The following ZFY variants were observed in gnomAD, a reference collection of about 807,000 sequenced individuals.
ZFY encodes zinc finger Y-chromosomal protein.
For synonymous variants in ZFY, 47 were observed against 55.8 expected, an observed-to-expected ratio of 0.84 and a Z score of 0.71; for missense variants, 113 against 170.9, an observed-to-expected ratio of 0.66 and a Z score of 1.89.
intron 1 of ZFY, among the ~76,000 whole-genome samples, chrY:2,948,287 GA>G (rs2051267875): frequency 3.0e-5 from 1 of 33,652 alleles, no homozygotes; most frequent in South Asian, 6.5e-4. Flanking sequence ...TCCTTAATTG[GA>G]AAATAGGGTT....
chrY:2,977,180 C>CAAAAA, intron 6 of ZFY, among the ~76,000 whole-genome samples: 1 of 409 alleles, frequency 2.4e-3, no homozygotes, highest in Non-Finnish European at 4.6e-3. Flanking sequence ...GACTCCATCT[C>CAAAAA]AAAAAAAAAA....
intron 3 of ZFY, among the ~76,000 whole-genome samples, chrY:2,964,684 T>C: frequency 3.1e-5 from 1 of 32,308 alleles, no homozygotes; most frequent in Non-Finnish European, 7.5e-5. Context: ...TTACATCCAC[T>C]CCTCCCAAGC....
intron 3 of ZFY, among the ~76,000 whole-genome samples, chrY:2,965,775 G>C (rs2051325583): frequency 3.0e-5 from 1 of 33,773 alleles, no homozygotes; most frequent in Non-Finnish European, 7.3e-5. Flanking sequence ...TTCAAGGGCT[G>C]CCCAAATAAA....
chrY:2,956,288 G>A, intron 2 of ZFY, among the ~76,000 whole-genome samples: 17 of 32,387 alleles, frequency 5.2e-4, no homozygotes, highest in Admixed American at 4.9e-3. Flanking sequence ...AGTGGGGTTC[G>A]GGGGATAGTT....
intron 2 of ZFY, among the ~76,000 whole-genome samples, chrY:2,955,636 C>T (rs2051290918): frequency 3.0e-5 from 1 of 33,850 alleles, no homozygotes; most frequent in South Asian, 6.4e-4. Flanking sequence ...AGTTTTATTT[C>T]CTGCTTCCTG....
intron 1 of ZFY, among the ~76,000 whole-genome samples, chrY:2,938,789 G>T: frequency 1.7e-4 from 5 of 28,694 alleles, no homozygotes; most frequent in Non-Finnish European, 4.1e-4. Flanking sequence ...TGTTGGTCAG[G>T]CTGGTCTCGA....
chrY:2,950,580 G>A (rs1003098404), intron 1 of ZFY, among the ~76,000 whole-genome samples: 17 of 33,754 alleles, frequency 5.0e-4, no homozygotes, highest in Non-Finnish European at 8.8e-4. Context: ...GCTTACTAAC[G>A]TAAAGGTGTG....
At chrY:2,977,854 C>T in intron 6 of ZFY, 86 bp from the exon 7 acceptor site, 1 of 212,812 alleles carries the variant, frequency 4.7e-6, no homozygotes, top group Admixed American at 1.4e-4. Flanking sequence ...TCATGAGTGT[C>T]AGGACTTCTT....
intron 1 of ZFY, among the ~76,000 whole-genome samples, chrY:2,947,181 G>C: frequency 2.9e-5 from 1 of 34,311 alleles, no homozygotes; most frequent in African/African-American, 1.1e-4. Context: ...ACGGTGCAAA[G>C]TAGCTTGAGA....
intron 1 of ZFY, among the ~76,000 whole-genome samples, chrY:2,946,918 G>A (rs2124502046): frequency 3.1e-5 from 1 of 32,421 alleles, no homozygotes; most frequent in Non-Finnish European, 7.5e-5. Context: ...AGACTGAGAC[G>A]AGAATTGCTT....
At chrY:2,971,478 C>G in intron 3 of ZFY, among the ~76,000 whole-genome samples, 4 of 33,348 alleles carry the variant, frequency 1.2e-4, no homozygotes, top group Non-Finnish European at 2.2e-4. Flanking sequence ...CACTCTCTTA[C>G]TGTCCTGTCC....
rs761182517 is a variant in ZFY, at chrY:2,979,507, C to A, written c.1920C>A (p.Asn640Lys). 2.5e-6 allele frequency: 1 copy of A among 398,502 alleles called. No homozygotes were observed. Among genetic ancestry groups the A allele is most frequent in the South Asian group, 3.0e-5 (1 of 33,721 alleles). Residue 640 changes from asparagine (N) to lysine (K), a missense_variant, in exon 8 of 8, where the codon AAC (asparagine) becomes AAA (lysine). Asn to Lys is a moderately conservative substitution (Grantham distance 94). Transcript: ENST00000155093. The part of the protein sequence containing the change: ...QCLHCDHKSS[N>K]SSDLKRHVIS... ...TGCATTGCGACCACAAGAGTTCAAA[C>A]TCAAGTGATTTGAAACGACATGTAA...
intron 1 of ZFY, among the ~76,000 whole-genome samples, chrY:2,937,417 G>A: frequency 3.7e-5 from 1 of 27,253 alleles, no homozygotes; most frequent in Non-Finnish European, 8.6e-5. Flanking sequence ...GTACTTTGAA[G>A]GCGGAGGTTG....
At chrY:2,964,978 A>T in intron 3 of ZFY, among the ~76,000 whole-genome samples, 1 of 33,101 alleles carries the variant, frequency 3.0e-5, no homozygotes, top group African/African-American at 1.2e-4. Context: ...GCAGTGAGTT[A>T]TGATTATGCT....
At chrY:2,953,245 G>T in intron 1 of ZFY, among the ~76,000 whole-genome samples, 1 of 30,399 alleles carries the variant, frequency 3.3e-5, no homozygotes, top group Admixed American at 3.0e-4. Context: ...GGGCTGAGGG[G>T]TGAGCATTGC....
At chrY:2,972,058 C>CA (rs771756819) in intron 3 of ZFY, among the ~76,000 whole-genome samples, 42 of 7,013 alleles carry the variant, frequency 6.0e-3, no homozygotes, top group African/African-American at 0.012. Flanking sequence ...ACTCCTATCT[C>CA]AAAAAAAAAA....
rs2051400741 is a variant in ZFY, at chrY:2,981,895, A to G, written c.*1902A>G. On this transcript the variant is annotated 3_prime_UTR_variant, in exon 8 of 8. Coordinates refer to ENST00000155093, the MANE Select transcript of ZFY (RefSeq NM_003411.4). ...TGAAAACTTCAGTTTGTATTTGAGA[A>G]TCCTTTAAATCTCCTTCCAATTTGT... 1 of 33,351 alleles carries G rather than the reference A, an allele frequency of 3.0e-5. No homozygotes were observed. The highest frequency in any genetic ancestry group is 7.4e-5 in the Non-Finnish European group (1 of 13,431). 8.3% of individuals were successfully genotyped at this position (33,351 alleles called of 400,897 possible).
At chrY:2,965,241 C>T in intron 3 of ZFY, among the ~76,000 whole-genome samples, 1 of 28,827 alleles carries the variant, frequency 3.5e-5, no homozygotes, top group Non-Finnish European at 8.2e-5. Flanking sequence ...TGGGTTCAAG[C>T]GATTCTTGTG....
intron 1 of ZFY, among the ~76,000 whole-genome samples, chrY:2,943,669 G>A (rs2051252777): frequency 6.0e-5 from 2 of 33,377 alleles, no homozygotes; most frequent in East Asian, 7.7e-4. Flanking sequence ...GTACAAATGC[G>A]TTGTAATGTG....
Sources: allele counts gnomAD v4.1 joint callset (sites outside exome capture counted in the v4.1 genomes callset), GRCh38; gene constraint gnomAD v4.1.1; transcripts MANE v1.5; gene names NCBI Gene and HGNC (gene_info 2026-07-23, HGNC 2026-07-21).